The following LEF1 variants were observed in gnomAD, a reference collection of about 807,000 sequenced individuals.
LEF1 encodes lymphoid enhancer-binding factor 1.
In LEF1, 14 loss-of-function variants were observed where a neutral mutation model predicts 51.2. That is an observed-to-expected ratio of 0.27 (90% confidence interval 0.18 to 0.43). The LOEUF is 0.43. LEF1 is among the 20% of genes least tolerant of loss of function. The pLI, the probability that LEF1 is intolerant of heterozygous loss-of-function variation, is 1.00. For missense variants in LEF1, 386 were observed against 512.0 expected (o/e 0.75, Z 2.37); for synonymous variants, 185 against 183.2 (o/e 1.01, Z -0.08).
chr4:108,114,764 G>T (rs1216675760), intron 3 of LEF1, among the ~76,000 whole-genome samples: 1 of 152,206 alleles, frequency 6.6e-6, no homozygotes, highest in African/African-American at 2.4e-5. Flanking sequence ...TTCCGTCAGG[G>T]GCTATCAGGT....
chr4:108,118,934 A>G (rs1456823231), intron 3 of LEF1, among the ~76,000 whole-genome samples: 1 of 149,160 alleles, frequency 6.7e-6, no homozygotes, highest in East Asian at 2.0e-4. Context: ...CTTTCTAACT[A>G]TTTTTTTTTC....
chr4:108,073,123 T>C (rs6814413), intron 8 of LEF1, among the ~76,000 whole-genome samples: 110,250 of 152,150 alleles, frequency 0.72, 43,209 homozygotes, highest in East Asian at 0.96. Flanking sequence ...CAGTGGCTCA[T>C]GCCTATAATC....
At chr4:108,087,430 T>TA (rs1286161997) in intron 4 of LEF1, among the ~76,000 whole-genome samples, 3 of 151,430 alleles carry the variant, frequency 2.0e-5, no homozygotes, top group Non-Finnish European at 2.9e-5. Flanking sequence ...AGTTTTTTTT[T>TA]AAAAAAAGTT....
chr4:108,075,896 C>G (rs1229204065), intron 8 of LEF1, among the ~76,000 whole-genome samples: 1 of 152,196 alleles, frequency 6.6e-6, no homozygotes, highest in Non-Finnish European at 1.5e-5. Context: ...TTTCTAGAAT[C>G]AAGACTCCTC....
intron 3 of LEF1, among the ~76,000 whole-genome samples, chr4:108,144,559 C>T (rs947420840): frequency 3.9e-5 from 6 of 152,136 alleles, no homozygotes; most frequent in East Asian, 1.9e-4. Flanking sequence ...TCTTTTCAAG[C>T]GGTTTCATCA....
intron 4 of LEF1, among the ~76,000 whole-genome samples, chr4:108,086,394 T>A (rs1173781458): frequency 6.6e-6 from 1 of 152,212 alleles, no homozygotes; most frequent in African/African-American, 2.4e-5. Context: ...CCAGCACATT[T>A]CACATCATTT....
intron 8 of LEF1, 111 bp from the exon 9 acceptor site, chr4:108,070,881 A>G: frequency 1.3e-6 from 1 of 760,668 alleles, no homozygotes; most frequent in Admixed American, 2.6e-5. Context: ...ACTTTGATTT[A>G]TTTTTAAATT....
intron 3 of LEF1, among the ~76,000 whole-genome samples, chr4:108,100,955 T>C (rs1445440595): frequency 1.3e-5 from 2 of 152,208 alleles, no homozygotes; most frequent in Non-Finnish European, 1.5e-5. Context: ...TTTAACATGG[T>C]CTGGGGTGAC....
chr4:108,127,531 A>C (rs1198259021), intron 3 of LEF1, among the ~76,000 whole-genome samples: 1 of 152,158 alleles, frequency 6.6e-6, no homozygotes. Flanking sequence ...AATCGTGTTG[A>C]CATAAATGTT....
chr4:108,094,614 C>T (rs17499730), intron 3 of LEF1, among the ~76,000 whole-genome samples: 3,530 of 152,292 alleles, frequency 0.023, 65 homozygotes, highest in Non-Finnish European at 0.035. Context: ...GGGGGAGAAA[C>T]CTGCTGTCCT....
chr4:108,047,899 G>T lies in LEF1; in HGVS notation c.*859C>A, dbSNP rs1183029107. On this transcript the variant is annotated 3_prime_UTR_variant, in exon 12 of 12. Transcript: ENST00000265165. ...AAAAAAAGAAAAGAAGAAAACAGAA[G>T]AAAAAATAAACTGAAATAGGGCTGC... 1 of 152,542 alleles carries T rather than the reference G, an allele frequency of 6.6e-6. No homozygotes were observed. The highest frequency in any genetic ancestry group is 2.4e-5 in the African/African-American group (1 of 41,422). 9.4% of individuals were successfully genotyped at this position (152,542 alleles called of 1,614,324 possible). A position where few individuals can be genotyped will look rare whatever the true frequency, so the allele number is the denominator to read the frequency against.
At chr4:108,084,990 T>C (rs938593799) in intron 4 of LEF1, among the ~76,000 whole-genome samples, 2 of 152,222 alleles carry the variant, frequency 1.3e-5, no homozygotes, top group Non-Finnish European at 2.9e-5. Context: ...TGACCAACCC[T>C]GAAAAACATC....
At position 108,168,226 on chromosome 4, in the gene LEF1, C is replaced by T. The variant is rs1745542736; in HGVS notation, c.-459G>A. On this transcript the variant is annotated 5_prime_UTR_variant, in exon 1 of 12. Coordinates refer to ENST00000265165, the MANE Select transcript of LEF1 (RefSeq NM_016269.5). The surrounding 1 kb of genome is among the most constrained non-coding windows in gnomAD (Gnocchi z 4.6). Reference sequence around the variant, plus strand: ...CGGCGCGTCTCCGCGGAAACCCTCTCCACTGTAGTTACCCCGGATGCCGAC... The same window carrying T: ...CGGCGCGTCTCCGCGGAAACCCTCTTCACTGTAGTTACCCCGGATGCCGAC... The T allele has an allele frequency of 6.6e-6, 1 of 152,344 alleles. No homozygotes were observed. Among genetic ancestry groups the T allele is most frequent in the Admixed American group, 6.5e-5 (1 of 15,298 alleles). 9.4% of individuals were successfully genotyped at this position (152,344 alleles called of 1,614,324 possible). A position where few individuals can be genotyped will look rare whatever the true frequency, so the allele number is the denominator to read the frequency against.
chr4:108,138,513 A>ACACACG (rs1743441266), intron 3 of LEF1, among the ~76,000 whole-genome samples: 1 of 152,056 alleles, frequency 6.6e-6, no homozygotes, highest in Non-Finnish European at 1.5e-5. Context: ...GTATACACAC[A>ACACACG]CACACACACA....
At chr4:108,116,399 G>A (rs1298544235) in intron 3 of LEF1, among the ~76,000 whole-genome samples, 1 of 152,190 alleles carries the variant, frequency 6.6e-6, no homozygotes, top group Non-Finnish European at 1.5e-5. Flanking sequence ...GCACATGCCT[G>A]TGGTCCCAGC....
chr4:108,163,768 T>C, intron 2 of LEF1, 67 bp from the exon 3 acceptor site: 1 of 1,516,234 alleles, frequency 6.6e-7, no homozygotes, highest in Non-Finnish European at 9.0e-7. Flanking sequence ...ATTTTTCATC[T>C]GAAAATCTAA....
intron 3 of LEF1, among the ~76,000 whole-genome samples, chr4:108,142,442 A>G (rs1483984498): frequency 6.6e-6 from 1 of 152,246 alleles, no homozygotes; most frequent in African/African-American, 2.4e-5. Context: ...AAGAGGCAGA[A>G]AAATTCCTAA....
In LEF1 at chr4:108,167,222, C is replaced by G. The variant is rs1745467944; in HGVS notation, c.213+333G>C. On this transcript the variant is annotated intron_variant, in intron 1 of 11. Transcript: ENST00000265165. This position sits in a 1 kb window ranked among gnomAD's most constrained non-coding sequence, Gnocchi z 5.7. ...CCCTACTCGCTTTAAAGCACGGCAC[C>G]CCTCAGCCCAACAAAAAGACCGAAG... 6.6e-6 allele frequency among the ~76,000 whole-genome samples: 1 copy of G among 152,150 alleles called. No individual in the cohort carries two copies. Among genetic ancestry groups the G allele is most frequent in the Non-Finnish European group, 1.5e-5 (1 of 68,032 alleles).
chr4:108,116,634 C>A (rs777772840), intron 3 of LEF1, among the ~76,000 whole-genome samples: 6 of 152,184 alleles, frequency 3.9e-5, no homozygotes, highest in Non-Finnish European at 8.8e-5. Context: ...AACTTGAGAG[C>A]TGTTTGCCCT....
Sources: gnomAD v4.1 joint callset for allele counts (sites outside exome capture counted in the v4.1 genomes callset) on GRCh38, gnomAD v4.1.1 for gene constraint, Gnocchi (gnomAD v3.1) non-coding constraint, MANE v1.5 for transcripts, NCBI Gene and HGNC (gene_info 2026-07-23, HGNC 2026-07-21) for gene names.